LRMDA: variants seen among roughly 807,000 people sequenced by gnomAD.
LRMDA encodes leucine rich melanocyte differentiation associated, also known as leucine-rich melanocyte differentiation-associated protein.
A neutral mutation model predicts 29.8 loss-of-function variants in LRMDA; 18 were observed. The ratio of observed to expected loss-of-function variants is 0.60; its 90% CI spans 0.42 to 0.90. The LOEUF (loss-of-function observed/expected upper bound fraction) is 0.90, where lower values mean the gene tolerates loss of function less well. Among genes scored for constraint, LRMDA ranks in the 40% least tolerant of loss-of-function variants. LRMDA has a pLI of 0.00. For missense variants in LRMDA, 273 were observed against 273.9 expected, an observed-to-expected ratio of 1.00 and a Z score of 0.02; for synonymous variants, 125 against 109.4, an observed-to-expected ratio of 1.14 and a Z score of -0.89.
chr10:76,062,902 A>G (rs1848725901), intron 5 of LRMDA, among the ~76,000 whole-genome samples: 1 of 152,182 alleles, frequency 6.6e-6, no homozygotes, highest in Non-Finnish European at 1.5e-5. Flanking sequence ...TGCACTGGGA[A>G]ACATAGATCA....
chr10:76,536,823 C>G (rs1337898911), intron 6 of LRMDA, among the ~76,000 whole-genome samples: 1 of 152,050 alleles, frequency 6.6e-6, no homozygotes, highest in Non-Finnish European at 1.5e-5. Context: ...AATAAGTGAC[C>G]TAAAGACTGT....
chr10:76,422,793 G>A (rs577427429), intron 6 of LRMDA, among the ~76,000 whole-genome samples: 1 of 152,142 alleles, frequency 6.6e-6, no homozygotes, highest in Non-Finnish European at 1.5e-5. Context: ...TACCCCTGGG[G>A]CATCTACCCC....
chr10:76,119,512 A>G (rs1849737907), intron 5 of LRMDA, among the ~76,000 whole-genome samples: 1 of 152,192 alleles, frequency 6.6e-6, no homozygotes, highest in African/African-American at 2.4e-5. Context: ...AGGGAGAGAA[A>G]GTGAAAACTG....
chr10:75,447,658 A>C (rs966139869), intron 2 of LRMDA, among the ~76,000 whole-genome samples: 4 of 152,192 alleles, frequency 2.6e-5, no homozygotes, highest in Non-Finnish European at 5.9e-5. Context: ...CCTGTAACCC[A>C]GCACTTTGGG....
chr10:76,113,396 A>G (rs1299352152), intron 5 of LRMDA, among the ~76,000 whole-genome samples: 1 of 151,792 alleles, frequency 6.6e-6, no homozygotes, highest in East Asian at 1.9e-4. Flanking sequence ...ACTGGGCTTG[A>G]ATTTCTTGGG....
At chr10:76,425,719 A>C (rs1209887037) in intron 6 of LRMDA, among the ~76,000 whole-genome samples, 2 of 151,882 alleles carry the variant, frequency 1.3e-5, no homozygotes, top group Non-Finnish European at 2.9e-5. Context: ...TGTCATTTAC[A>C]TTAGGTGTAT....
At position 76,090,800 on chromosome 10, in the gene LRMDA, A is replaced by G. The variant is rs77926840; in HGVS notation, c.516+32017A>G. 9.1e-3 allele frequency among the ~76,000 whole-genome samples: 1,382 copies of G among 152,324 alleles called. 36 individuals carry two copies. The highest frequency in any genetic ancestry group is 0.08 in the East Asian group (414 of 5,178). Reference sequence around the variant, plus strand: ...CAAAAAGACAAATATGATTCTACTTATATTCAGAGAGACAGTAGAAGAGGG... The same window carrying G: ...CAAAAAGACAAATATGATTCTACTTGTATTCAGAGAGACAGTAGAAGAGGG... On this transcript the variant is annotated intron_variant, in intron 5 of 6. Transcript: ENST00000611255.
intron 2 of LRMDA, among the ~76,000 whole-genome samples, chr10:75,832,242 C>A (rs1320378320): frequency 2.0e-5 from 3 of 152,174 alleles, no homozygotes; most frequent in Non-Finnish European, 2.9e-5. Context: ...GGCTTTGCTG[C>A]TGAGAAATTT....
intron 2 of LRMDA, among the ~76,000 whole-genome samples, chr10:75,997,243 A>G (rs1247727527): frequency 1.3e-5 from 2 of 152,172 alleles, no homozygotes; most frequent in Non-Finnish European, 2.9e-5. Flanking sequence ...CCTGTAGATT[A>G]GATTTTTAAA....
chr10:76,405,584 C>G (rs1841894444), intron 6 of LRMDA, among the ~76,000 whole-genome samples: 1 of 152,150 alleles, frequency 6.6e-6, no homozygotes, highest in African/African-American at 2.4e-5. Context: ...GGTATCTTTT[C>G]ATGGTTATGC....
chr10:75,678,184 A>C (rs938729171), intron 2 of LRMDA, among the ~76,000 whole-genome samples: 1 of 152,186 alleles, frequency 6.6e-6, no homozygotes, highest in East Asian at 1.9e-4. Flanking sequence ...ACATATACAC[A>C]CACCATAATT....
rs58265820 is a variant in LRMDA, at chr10:75,616,249, T to TAGCAGCAGC, written c.131+177782_131+177790dup. Among the ~76,000 whole-genome samples the TAGCAGCAGC allele has an allele frequency of 1.7e-3, 253 of 150,414 alleles. 1 individual carries two copies. The highest frequency in any genetic ancestry group is 2.3e-3 in the African/African-American group (92 of 40,456). ...ACAGTAATAGTAGCAGTAGCAGCAG[T>TAGCAGCAGC]AGCAGCAGCAGCAGCAGCAGCAGCA... On this transcript the variant is annotated intron_variant, in intron 2 of 6. Transcript: ENST00000611255.
Position 75,454,711 on chromosome 10 carries a change from G to A in LRMDA, c.131+16217G>A, listed in dbSNP as rs1366614232. Among the ~76,000 whole-genome samples the A allele has an allele frequency of 2.6e-5, 4 of 152,206 alleles. No individual in the cohort carries two copies. The East Asian group carries it at 7.7e-4, about 29-fold the overall frequency. On this transcript the variant is annotated intron_variant, in intron 2 of 6. Coordinates refer to ENST00000611255, the MANE Select transcript of LRMDA (RefSeq NM_001305581.2). ...ACGTGAATTCTTCCCAGATGCCTGA[G>A]GTGGACCAATATCACAGAGAGCTAA...
chr10:75,868,810 C>G (rs1845061997), intron 2 of LRMDA, among the ~76,000 whole-genome samples: 1 of 152,130 alleles, frequency 6.6e-6, no homozygotes, highest in Non-Finnish European at 1.5e-5. Context: ...ACCTTCAAGG[C>G]CTGGCTGAAG....
intron 2 of LRMDA, among the ~76,000 whole-genome samples, chr10:75,758,449 C>T (rs558788428): frequency 6.6e-6 from 1 of 152,320 alleles, no homozygotes; most frequent in Admixed American, 6.5e-5. Flanking sequence ...CCCTCAGCCC[C>T]GGCTGGGACC....
At chr10:75,839,512 C>T (rs1401024469) in intron 2 of LRMDA, among the ~76,000 whole-genome samples, 2 of 151,348 alleles carry the variant, frequency 1.3e-5, no homozygotes, top group African/African-American at 4.9e-5. Context: ...CCTTGGGGCA[C>T]AGCTAGTGCA....
intron 2 of LRMDA, among the ~76,000 whole-genome samples, chr10:75,743,041 G>A (rs11001490): frequency 0.11 from 16,561 of 152,086 alleles, 957 homozygotes; most frequent in Middle Eastern, 0.18. Context: ...GGCGAAAGGG[G>A]AGCATCATGA....
At position 75,564,265 on chromosome 10, in the gene LRMDA, C is replaced by T. The variant is rs528934370; in HGVS notation, c.131+125771C>T. ...GGCGCCCCTCCCCCAGCCTCGCTGA[C>T]GCCTTGCAGCTTGATCTCAGACTGC... is the stretch of plus-strand genomic sequence containing the variant. On this transcript the variant is annotated intron_variant, in intron 2 of 6. Coordinates refer to ENST00000611255, the MANE Select transcript of LRMDA (RefSeq NM_001305581.2). Among the ~76,000 whole-genome samples the T allele has an allele frequency of 6.7e-4, 102 of 152,330 alleles. 2 individuals are homozygous for T. Among genetic ancestry groups the T allele is most frequent in the Admixed American group, 3.9e-4 (6 of 15,306 alleles).
intron 1 of LRMDA, 83 bp downstream of exon 1, chr10:75,431,837 TA>T: frequency 8.2e-7 from 1 of 1,223,984 alleles, no homozygotes; most frequent in South Asian, 3.0e-5. Context: ...CCCCAGGGCC[TA>T]GACACCCCTG....
Sources: allele counts gnomAD v4.1 joint callset (sites outside exome capture counted in the v4.1 genomes callset), GRCh38; gene constraint gnomAD v4.1.1; transcripts MANE v1.5; gene names NCBI Gene and HGNC (gene_info 2026-07-23, HGNC 2026-07-21).